HDAC1: variants seen among roughly 807,000 people sequenced by gnomAD.
HDAC1 encodes the protein histone deacetylase 1.
A neutral mutation model predicts 65.5 loss-of-function variants in HDAC1; 18 were observed. The ratio of observed to expected loss-of-function variants is 0.27; its 90% CI spans 0.19 to 0.41. The LOEUF (loss-of-function observed/expected upper bound fraction) is 0.41, where lower values mean the gene tolerates loss of function less well. Among genes scored for constraint, HDAC1 ranks in the 10% least tolerant of loss-of-function variants. The probability of loss-of-function intolerance (pLI) is 1.00; values close to 1 mark genes in which losing one functional copy is unlikely to be tolerated. For synonymous variants in HDAC1, 211 were observed against 227.9 expected (o/e 0.93, Z 0.67); for missense variants, 373 against 625.2 (o/e 0.60, Z 4.30).
intron 12 of HDAC1, among the ~76,000 whole-genome samples, chr1:32,332,477 T>C (rs1392475517): frequency 6.6e-6 from 1 of 152,154 alleles, no homozygotes; most frequent in African/African-American, 2.4e-5. Context: ...TGCACCCCAG[T>C]TTCCCAGGGG....
intron 1 of HDAC1, among the ~76,000 whole-genome samples, chr1:32,295,487 G>A (rs1162500344): frequency 6.6e-6 from 1 of 152,192 alleles, no homozygotes; most frequent in Non-Finnish European, 1.5e-5. Context: ...CAGGGTGCCA[G>A]CATTTGGTGT....
chr1:32,307,723 A>G (rs1004903941), intron 2 of HDAC1, among the ~76,000 whole-genome samples: 2 of 152,208 alleles, frequency 1.3e-5, no homozygotes, highest in Non-Finnish European at 2.9e-5. Context: ...ATAAGAGGGC[A>G]CTGCTGTATT....
chr1:32,297,108 G>T (rs77528314), intron 1 of HDAC1, among the ~76,000 whole-genome samples: 1 of 152,134 alleles, frequency 6.6e-6, no homozygotes, highest in South Asian at 2.1e-4. Flanking sequence ...TTGCAAAAGT[G>T]GGGGGCTAGG....
intron 3 of HDAC1, among the ~76,000 whole-genome samples, chr1:32,317,250 A>G (rs949175205): frequency 3.3e-5 from 5 of 152,152 alleles, no homozygotes; most frequent in Non-Finnish European, 7.4e-5. Flanking sequence ...AGATGGTGTA[A>G]TCTTTGAGAT....
rs905386899 is a variant in HDAC1 at position 32,323,418 on chromosome 1, AG to A, written c.281-1058del. ...ATTTATTTATTTATTTTTTTGAGACAGGGTCTCACTCTTGTCTCGCCCAGGC... is the reference window on the plus strand; with the variant it reads ...ATTTATTTATTTATTTTTTTGAGACAGGTCTCACTCTTGTCTCGCCCAGGC... On this transcript the variant is annotated intron_variant, in intron 3 of 13. Coordinates refer to ENST00000373548, the MANE Select transcript of HDAC1 (RefSeq NM_004964.3). 5.9e-5 allele frequency among the ~76,000 whole-genome samples: 9 copies of A among 152,176 alleles called. No individual in the cohort carries two copies. In the East Asian group the frequency reaches 7.7e-4, roughly 13 times the overall value.
chr1:32,324,841 G>A (rs1480539893), intron 4 of HDAC1, among the ~76,000 whole-genome samples: 1 of 152,124 alleles, frequency 6.6e-6, no homozygotes, highest in Non-Finnish European at 1.5e-5. Flanking sequence ...GCCGGGCATG[G>A]TGACTCGTGC....
chr1:32,317,804 G>A (rs1206188601), intron 3 of HDAC1, among the ~76,000 whole-genome samples: 2 of 152,182 alleles, frequency 1.3e-5, no homozygotes, highest in Non-Finnish European at 2.9e-5. Flanking sequence ...GATGGCTTTA[G>A]AGGTTTCCAT....
Position 32,307,455 on chromosome 1 carries a change from TACAA to T in HDAC1, c.162+4726_162+4729del, listed in dbSNP as rs375369944. ...TTAAGTAAAACAAGGGCTTCTTGAA[TACAA>T]ACAGTGTGATACCTTGATAATCGAT... On this transcript the variant is annotated intron_variant, in intron 2 of 13. Transcript: ENST00000373548. 9.0e-4 allele frequency among the ~76,000 whole-genome samples: 137 copies of T among 152,288 alleles called. 4 individuals are homozygous for T. The South Asian group carries it at 0.028, about 31-fold the overall frequency.
At chr1:32,317,660 C>T (rs780484014) in intron 3 of HDAC1, among the ~76,000 whole-genome samples, 69 of 152,264 alleles carry the variant, frequency 4.5e-4, no homozygotes, top group Non-Finnish European at 6.3e-4. Flanking sequence ...CCACAGAGAC[C>T]TTCCTTGAAG....
chr1:32,305,084 C>T (rs1449648854), intron 2 of HDAC1, among the ~76,000 whole-genome samples: 1 of 152,126 alleles, frequency 6.6e-6, no homozygotes, highest in Non-Finnish European at 1.5e-5. Context: ...TTTAGTTTTA[C>T]ATGTTTGATT....
rs1051946782 is a variant in HDAC1 at position 32,332,692 on chromosome 1, G to A, written c.1373-9G>A. The A allele has an allele frequency of 1.3e-6, 2 of 1,553,324 alleles. No homozygotes were observed. The highest frequency in any genetic ancestry group is 2.4e-5 in the East Asian group (1 of 41,346). On this transcript the variant is annotated splice_polypyrimidine_tract_variant and intron_variant, in intron 12 of 13. Coordinates refer to ENST00000373548, the MANE Select transcript of HDAC1 (RefSeq NM_004964.3). ...TGCCCTTGGCCATCCCTGTACTCTTGTGTTCTAGAAGTCACCGAAGAGGAG... is the reference window on the plus strand; with the variant it reads ...TGCCCTTGGCCATCCCTGTACTCTTATGTTCTAGAAGTCACCGAAGAGGAG...
chr1:32,303,753 CTGGGAGGCTGAGG>C (rs1213368695), intron 2 of HDAC1, among the ~76,000 whole-genome samples: 1 of 151,932 alleles, frequency 6.6e-6, no homozygotes, highest in East Asian at 1.9e-4. Flanking sequence ...TCCCAGCTAT[CTGGGAGGCTGAGG>C]TGGGAGGACC....
chr1:32,326,318 C>T (rs114849749), intron 4 of HDAC1, among the ~76,000 whole-genome samples: 2,734 of 151,936 alleles, frequency 0.018, 86 homozygotes, highest in African/African-American at 0.063. Context: ...TATGTCACCA[C>T]GCCCAGCTAA....
At chr1:32,301,060 AGT>A (rs760352815) in intron 1 of HDAC1, among the ~76,000 whole-genome samples, 4 of 151,922 alleles carry the variant, frequency 2.6e-5, no homozygotes, top group Non-Finnish European at 5.9e-5. Flanking sequence ...AGAGAGAGTG[AGT>A]GTGTGTGTGT....
Position 32,330,798 on chromosome 1 carries a change from G to T in HDAC1, c.869G>T (p.Ser290Ile), listed in dbSNP as rs1269469669. 1 of 1,614,174 alleles carries T rather than the reference G, an allele frequency of 6.2e-7. No individual in the cohort carries two copies. Among genetic ancestry groups the T allele is most frequent in the South Asian group, 1.1e-5 (1 of 91,078 alleles). ...GCCAAGTGTGTGGAATTTGTCAAGA[G>T]CTTTAACCTGCCTATGCTGATGCTG... ...GHAKCVEFVK[S>I]FNLPMLMLGG... The change falls in exon 9 of 14, where the codon AGC (serine) becomes ATC (isoleucine). Residue 290 changes from serine (S) to isoleucine (I), a missense_variant. By Grantham distance (142) the Ser-to-Ile change is moderately radical. This residue lies in a region of HDAC1 where 105 missense variants were observed against 192.6 expected (regional missense o/e 0.55). Transcript: ENST00000373548. The surrounding 1 kb of genome is among the most constrained non-coding windows in gnomAD (Gnocchi z 4.2).
At chr1:32,300,037 G>A (rs1055773565) in intron 1 of HDAC1, among the ~76,000 whole-genome samples, 3 of 152,024 alleles carry the variant, frequency 2.0e-5, no homozygotes, top group East Asian at 1.9e-4. Context: ...CAGCCTGGGC[G>A]ACAGAGCGAG....
intron 2 of HDAC1, among the ~76,000 whole-genome samples, chr1:32,312,303 C>A (rs1641001050): frequency 1.3e-5 from 2 of 152,102 alleles, no homozygotes; most frequent in Non-Finnish European, 1.5e-5. Context: ...AATTACTTAA[C>A]CTCTCTCTTC....
chr1:32,315,564 G>C (rs1353891854), intron 2 of HDAC1, among the ~76,000 whole-genome samples: 1 of 151,068 alleles, frequency 6.6e-6, no homozygotes, highest in Non-Finnish European at 1.5e-5. Flanking sequence ...TATTGGTCAG[G>C]ATGGTCTCGA....
chr1:32,304,111 G>T (rs1267316530), intron 2 of HDAC1, among the ~76,000 whole-genome samples: 2 of 152,284 alleles, frequency 1.3e-5, no homozygotes, highest in East Asian at 3.9e-4. Context: ...ATAAAGAGGG[G>T]CTGGAGGTGA....
Sources: gnomAD v4.1 joint callset for allele counts (sites outside exome capture counted in the v4.1 genomes callset) on GRCh38, gnomAD v4.1.1 for gene constraint, gnomAD v4.1.1 regional missense constraint, Gnocchi (gnomAD v3.1) non-coding constraint, MANE v1.5 for transcripts, NCBI Gene and HGNC (gene_info 2026-07-23, HGNC 2026-07-21) for gene names.